The following CEP170 variants were observed in gnomAD, a reference collection of about 807,000 sequenced individuals.
CEP170 encodes centrosomal protein of 170 kDa.
In CEP170, 21 loss-of-function variants were observed where a neutral mutation model predicts 151.9. That is an observed-to-expected ratio of 0.14 (90% CI 0.10 to 0.20). CEP170 has a LOEUF of 0.20. CEP170 is among the 10% of genes least tolerant of loss of function. The pLI is 1.00. For synonymous variants in CEP170, 356 were observed against 648.8 expected, an observed-to-expected ratio of 0.55 and a Z score of 6.86; for missense variants, 964 against 1,892.9, an observed-to-expected ratio of 0.51 and a Z score of 9.11.
intron 10 of CEP170, among the ~76,000 whole-genome samples, chr1:243,182,902 T>C (rs2059713394): frequency 6.6e-6 from 1 of 152,068 alleles, no homozygotes; most frequent in Admixed American, 6.6e-5. Flanking sequence ...GGCAAATGAA[T>C]AAACAGTGAA....
chr1:243,217,080 A>G (rs2062366040), intron 3 of CEP170, among the ~76,000 whole-genome samples: 1 of 152,180 alleles, frequency 6.6e-6, no homozygotes, highest in Non-Finnish European at 1.5e-5. Flanking sequence ...TATTGCTCCT[A>G]GGCTACAAAT....
intron 1 of CEP170, among the ~76,000 whole-genome samples, chr1:243,242,288 T>G (rs986777144): frequency 3.3e-5 from 5 of 151,626 alleles, no homozygotes. Flanking sequence ...GCGTGATCTC[T>G]GCTCAATACA....
chr1:243,192,848 G>A (rs2060398394), intron 7 of CEP170, among the ~76,000 whole-genome samples: 1 of 152,062 alleles, frequency 6.6e-6, no homozygotes, highest in Non-Finnish European at 1.5e-5. Context: ...GTGGGATAGG[G>A]CACGGAAGAC....
chr1:243,230,093 G>A (rs1046419669), intron 1 of CEP170, among the ~76,000 whole-genome samples: 3 of 152,084 alleles, frequency 2.0e-5, no homozygotes, highest in African/African-American at 7.2e-5. Flanking sequence ...GCCCACATAT[G>A]TAATCTCTCC....
intron 14 of CEP170, among the ~76,000 whole-genome samples, chr1:243,144,753 C>A (rs1245273264): frequency 1.3e-5 from 2 of 152,102 alleles, no homozygotes; most frequent in African/African-American, 4.8e-5. Context: ...AACGTATATA[C>A]AACATATATT....
chr1:243,176,918 T>G (rs1307651461), intron 10 of CEP170: 1 of 355,134 alleles, frequency 2.8e-6, no homozygotes, highest in Non-Finnish European at 5.5e-6. Flanking sequence ...AGACTAAACA[T>G]TCTCCAGATA....
At position 243,142,391 on chromosome 1, in the gene CEP170, T is replaced by G; in HGVS notation, c.3984A>C (p.Ser1328=). ...DVAGEIDSVT[S]SGTAPSTTVS... is the part of the protein sequence containing the mutation. ...CTGTGGTACTAGGGGCAGTGCCTGA[T>G]GAAGTCACTGAATCTATCTCTCCTG... Residue 1328 remains serine (S), a synonymous_variant, in exon 15 of 20, where the codon TCA becomes TCC. Transcript: ENST00000366542. 1 of 1,593,964 alleles carries G rather than the reference T, an allele frequency of 6.3e-7. No homozygotes were observed. The highest frequency in any genetic ancestry group is 8.6e-7 in the Non-Finnish European group (1 of 1,168,526).
At chr1:243,178,011 G>A (rs915219560) in intron 10 of CEP170, among the ~76,000 whole-genome samples, 4 of 152,004 alleles carry the variant, frequency 2.6e-5, no homozygotes, top group African/African-American at 4.8e-5. Context: ...GTTTATGCAC[G>A]CAATAAGATA....
At chr1:243,156,517 A>G (rs2057563662) in intron 13 of CEP170, 62 bp from the exon 14 acceptor site, 3 of 1,456,186 alleles carry the variant, frequency 2.1e-6, no homozygotes, top group Admixed American at 2.4e-5. Context: ...AGGTAAAATA[A>G]AAGTCATGAC....
At chr1:243,249,530 A>G (rs531475432) in intron 1 of CEP170, among the ~76,000 whole-genome samples, 35 of 152,336 alleles carry the variant, frequency 2.3e-4, no homozygotes, top group African/African-American at 8.4e-4. Context: ...AACTCAGCAG[A>G]TAAGATGTAG....
At chr1:243,198,778 T>G (rs181863415) in intron 7 of CEP170, among the ~76,000 whole-genome samples, 18 of 152,104 alleles carry the variant, frequency 1.2e-4, no homozygotes, top group African/African-American at 3.9e-4. Flanking sequence ...CCTAGTTATA[T>G]CATTAATCTA....
chr1:243,153,629 T>C (rs1181213978), intron 14 of CEP170, among the ~76,000 whole-genome samples: 5 of 152,244 alleles, frequency 3.3e-5, no homozygotes, highest in Non-Finnish European at 7.3e-5. Flanking sequence ...TACTGTTTTT[T>C]ACTAATAAAA....
chr1:243,227,808 T>G (rs186218871), intron 1 of CEP170, among the ~76,000 whole-genome samples: 1 of 152,290 alleles, frequency 6.6e-6, no homozygotes, highest in East Asian at 1.9e-4. Context: ...TGTGGACCCT[T>G]GTAAGGTTTA....
chr1:243,220,495 A>G (rs765512085), intron 3 of CEP170, among the ~76,000 whole-genome samples: 4 of 152,236 alleles, frequency 2.6e-5, no homozygotes, highest in Non-Finnish European at 4.4e-5. Context: ...AAAAATTTGT[A>G]TTTATCTCAA....
At chr1:243,210,608 A>ATTTTTTTTTTTTTTTTTTTTTTTTTTT (rs751388751) in intron 4 of CEP170, among the ~76,000 whole-genome samples, 3 of 67,942 alleles carry the variant, frequency 4.4e-5, no homozygotes, top group African/African-American at 6.0e-5. Flanking sequence ...ATTTTTCGTA[A>ATTTTTTTTTTTTTTTTTTTTTTTTTTT]TTTTTTTTTT....
At chr1:243,244,821 T>A (rs2065211615) in intron 1 of CEP170, among the ~76,000 whole-genome samples, 1 of 151,804 alleles carries the variant, frequency 6.6e-6, no homozygotes, top group African/African-American at 2.4e-5. Context: ...TATATATGAC[T>A]AAATACATTC....
At chr1:243,142,243 A>C in intron 15 of CEP170, 73 bp downstream of exon 15, 1 of 1,603,894 alleles carries the variant, frequency 6.2e-7, no homozygotes, top group Non-Finnish European at 8.5e-7. Context: ...GAAATAAACT[A>C]AGCAAAAAGC....
At chr1:243,211,855 T>G in intron 4 of CEP170, 31 bp downstream of exon 4, 1 of 1,588,888 alleles carries the variant, frequency 6.3e-7, no homozygotes, top group East Asian at 2.3e-5. Flanking sequence ...TTGAATAAAT[T>G]TAATAAGTAC....
intron 7 of CEP170, among the ~76,000 whole-genome samples, chr1:243,197,875 G>A (rs1036289127): frequency 6.6e-6 from 1 of 152,056 alleles, no homozygotes; most frequent in Non-Finnish European, 1.5e-5. Context: ...AAAACTGCTG[G>A]TGACAGAAAC....
Sources: gnomAD v4.1 joint callset for allele counts (sites outside exome capture counted in the v4.1 genomes callset) on GRCh38, gnomAD v4.1.1 for gene constraint, MANE v1.5 for transcripts, NCBI Gene and HGNC (gene_info 2026-07-23, HGNC 2026-07-21) for gene names.